The following RNF214 variants were observed in gnomAD, a reference collection of about 807,000 sequenced individuals.
RNF214 encodes ring finger protein 214.
RNF214 carries 25 observed loss-of-function variants against 75.9 expected under a neutral mutation model. The observed-to-expected ratio is 0.33, with a 90% CI of 0.24 to 0.46. RNF214 has a LOEUF of 0.46. RNF214 is among the 20% of genes least tolerant of loss of function. RNF214 has a pLI of 1.00. For missense variants in RNF214, 725 were observed against 857.5 expected, an observed-to-expected ratio of 0.85 and a Z score of 1.93; for synonymous variants, 314 against 308.8, an observed-to-expected ratio of 1.02 and a Z score of -0.18.
At chr11:117,269,214 G>A (rs911576680) in intron 6 of RNF214, among the ~76,000 whole-genome samples, 31 of 152,106 alleles carry the variant, frequency 2.0e-4, no homozygotes, top group African/African-American at 7.0e-4. Context: ...GACCAGCCTA[G>A]GCAATGTAGC....
At position 117,282,868 on chromosome 11, in the gene RNF214, T is replaced by C. The variant is rs756618423; in HGVS notation, c.1950+18T>C. On this transcript the variant is annotated intron_variant, in intron 13 of 14. Coordinates refer to ENST00000300650, the MANE Select transcript of RNF214 (RefSeq NM_207343.4). Reference sequence around the variant, plus strand: ...CTTCACATGTAAGACTCTTTTTCTTTGAACACTGTGATATGGAGAAGCTGG... The same window carrying C: ...CTTCACATGTAAGACTCTTTTTCTTCGAACACTGTGATATGGAGAAGCTGG... The C allele has an allele frequency of 1.3e-6, 2 of 1,564,912 alleles. No homozygotes were observed. The highest frequency in any genetic ancestry group is 1.7e-5 in the Admixed American group (1 of 59,962).
Position 117,281,498 on chromosome 11 carries a change from G to A in RNF214, c.1236+94G>A, listed in dbSNP as rs191155911. On this transcript the variant is annotated intron_variant, in intron 9 of 14. Transcript: ENST00000300650. ...GTAGCCTTTTGCATTGCCATTTGGG[G>A]CCTATCCTACTATTCCTTTTGTTTT... 4.4e-6 allele frequency: 6 copies of A among 1,374,898 alleles called. No homozygotes were observed. In the South Asian group the frequency reaches 7.0e-5, roughly 16 times the overall value. 85.2% of individuals were successfully genotyped at this position (1,374,898 alleles called of 1,614,324 possible). A position where few individuals can be genotyped will look rare whatever the true frequency, so the allele number is the denominator to read the frequency against.
At chr11:117,281,738 T>TTGGTAGCAGCAGCAGA in intron 10 of RNF214, 40 bp downstream of exon 10, 2 of 1,547,278 alleles carry the variant, frequency 1.3e-6, no homozygotes, top group Non-Finnish European at 1.8e-6. Flanking sequence ...CCTTTCTGTG[T>TTGGTAGCAGCAGCAGA]TGGTAGCAGC....
At chr11:117,260,061 C>T (rs2134389743) in intron 6 of RNF214, among the ~76,000 whole-genome samples, 1 of 152,008 alleles carries the variant, frequency 6.6e-6, no homozygotes, top group East Asian at 1.9e-4. Context: ...GTCTCTGATC[C>T]ATCTCAAATT....
At chr11:117,237,059 A>T (rs535602) in intron 2 of RNF214, among the ~76,000 whole-genome samples, 1 of 151,980 alleles carries the variant, frequency 6.6e-6, no homozygotes, top group Non-Finnish European at 1.5e-5. Context: ...AACTCCCAGC[A>T]GGAAGGAATC....
intron 8 of RNF214, among the ~76,000 whole-genome samples, chr11:117,280,761 T>C (rs1256594706): frequency 6.6e-6 from 1 of 152,170 alleles, no homozygotes; most frequent in Non-Finnish European, 1.5e-5. Context: ...TTATTTTCTT[T>C]CTGCCATGGA....
chr11:117,275,184 A>G (rs1248457059), intron 6 of RNF214, among the ~76,000 whole-genome samples: 1 of 152,230 alleles, frequency 6.6e-6, no homozygotes, highest in Admixed American at 6.5e-5. Flanking sequence ...TGAAATCAAG[A>G]TAGAAATTAA....
intron 6 of RNF214, among the ~76,000 whole-genome samples, chr11:117,247,856 CAA>C (rs769342396): frequency 1.5e-4 from 9 of 60,162 alleles, no homozygotes; most frequent in Non-Finnish European, 1.4e-4. Flanking sequence ...GACCCTGTCT[CAA>C]AAAAAAAAAA....
intron 6 of RNF214, among the ~76,000 whole-genome samples, chr11:117,276,749 TAA>T (rs766380609): frequency 2.6e-5 from 4 of 152,202 alleles, no homozygotes; most frequent in Non-Finnish European, 4.4e-5. Context: ...TCCATTGACA[TAA>T]GAGGATTTTT....
rs375653799 is a variant in RNF214 at position 117,238,721 on chromosome 11, A to C, written c.228A>C (p.Ser76=). 3 of 1,614,220 alleles carry C rather than the reference A, an allele frequency of 1.9e-6. No homozygotes were observed. Among genetic ancestry groups the C allele is most frequent in the Non-Finnish European group, 2.5e-6 (3 of 1,180,034 alleles). ...AGCACTCAGAGCAGAATCCTGGTTCATCAGCAGGTGACACCTCAGCAGCGC... is the reference window on the plus strand; with the variant it reads ...AGCACTCAGAGCAGAATCCTGGTTCCTCAGCAGGTGACACCTCAGCAGCGC... ...HLEHSEQNPG[S]SAGDTSAAHQ... is the part of the protein sequence containing the mutation. The change falls in exon 3 of 15, where the codon TCA becomes TCC. Residue 76 remains serine, a synonymous_variant. Coordinates refer to ENST00000300650, the MANE Select transcript of RNF214 (RefSeq NM_207343.4).
rs897936912 is a variant in RNF214 at position 117,261,977 on chromosome 11, A to G, written c.959+15029A>G. Reference sequence around the variant, plus strand: ...TTTATTTTTTTCAAATGTTAAACCAACCTTCCATTTGTGAGATAAACCCTA... The same window carrying G: ...TTTATTTTTTTCAAATGTTAAACCAGCCTTCCATTTGTGAGATAAACCCTA... On this transcript the variant is annotated intron_variant, in intron 6 of 14. Coordinates refer to ENST00000300650, the MANE Select transcript of RNF214 (RefSeq NM_207343.4). 4.7e-5 allele frequency among the ~76,000 whole-genome samples: 7 copies of G among 149,582 alleles called. No homozygotes were observed. The East Asian group carries it at 6.0e-4, about 13-fold the overall frequency.
chr11:117,236,934 T>TA (rs1176798017), intron 2 of RNF214, among the ~76,000 whole-genome samples: 1 of 152,226 alleles, frequency 6.6e-6, no homozygotes, highest in African/African-American at 2.4e-5. Flanking sequence ...ATTTCTGTTT[T>TA]ACAAATGAGG....
intron 6 of RNF214, among the ~76,000 whole-genome samples, chr11:117,272,313 T>C (rs2033928620): frequency 6.6e-6 from 1 of 152,198 alleles, no homozygotes; most frequent in Non-Finnish European, 1.5e-5. Context: ...TGTGTTAATA[T>C]GGTTTAAGGG....
intron 6 of RNF214, among the ~76,000 whole-genome samples, chr11:117,249,263 A>C (rs555175980): frequency 6.6e-6 from 1 of 151,960 alleles, no homozygotes; most frequent in Non-Finnish European, 1.5e-5. Context: ...TTTACCTTCA[A>C]CAAACTCACT....
At chr11:117,254,320 C>T (rs904335669) in intron 6 of RNF214, among the ~76,000 whole-genome samples, 1 of 151,976 alleles carries the variant, frequency 6.6e-6, no homozygotes, top group Admixed American at 6.6e-5. Flanking sequence ...ACATGTAATC[C>T]TAGCCCTTGA....
intron 4 of RNF214, among the ~76,000 whole-genome samples, chr11:117,242,970 G>C (rs929382908): frequency 1.3e-5 from 2 of 152,194 alleles, no homozygotes; most frequent in Non-Finnish European, 2.9e-5. Flanking sequence ...GTTGCAGAGA[G>C]TTCAAAGATT....
At chr11:117,258,089 T>C (rs1032851980) in intron 6 of RNF214, among the ~76,000 whole-genome samples, 7 of 151,934 alleles carry the variant, frequency 4.6e-5, no homozygotes, top group African/African-American at 9.7e-5. Context: ...CTTTTTCTTT[T>C]TTTTTTTCTT....
At chr11:117,267,670 A>C (rs1388645879) in intron 6 of RNF214, among the ~76,000 whole-genome samples, 1 of 152,142 alleles carries the variant, frequency 6.6e-6, no homozygotes, top group Non-Finnish European at 1.5e-5. Context: ...TGGAGGTTGC[A>C]GTGAGCTGAA....
At chr11:117,253,443 T>A (rs1407454477) in intron 6 of RNF214, among the ~76,000 whole-genome samples, 5 of 152,262 alleles carry the variant, frequency 3.3e-5, no homozygotes, top group Admixed American at 6.5e-5. Context: ...TAATTTCTAG[T>A]TCTCAGCTTT....
Sources: allele counts gnomAD v4.1 joint callset (sites outside exome capture counted in the v4.1 genomes callset), GRCh38; gene constraint gnomAD v4.1.1; transcripts MANE v1.5; gene names NCBI Gene and HGNC (gene_info 2026-07-23, HGNC 2026-07-21).